Variants in RANBP2 observed in about 807,000 individuals in gnomAD.
RANBP2 encodes the protein E3 SUMO-protein ligase RanBP2.
Under a neutral mutation model 303.6 loss-of-function variants are expected in RANBP2, and 57 were observed. The observed-to-expected ratio is 0.19, with a 90% CI of 0.15 to 0.23. RANBP2 has a LOEUF of 0.23. Among genes scored for constraint, RANBP2 ranks in the 10% least tolerant of loss-of-function variants. The pLI is 1.00. For synonymous variants in RANBP2, 1,167 were observed against 1,301.5 expected (o/e 0.90, Z 2.23); for missense variants, 3,138 against 3,780.8 (o/e 0.83, Z 4.46).
chr2:109,445,114 A>G, the RANBP2 span, among the ~76,000 whole-genome samples: 1 of 152,226 alleles, frequency 6.6e-6, no homozygotes, highest in Non-Finnish European at 1.5e-5. Flanking sequence ...GAAATTGGAA[A>G]GCCATACAGA....
chr2:109,319,512 CAT>C, the RANBP2 span, among the ~76,000 whole-genome samples: 2 of 152,142 alleles, frequency 1.3e-5, no homozygotes, highest in African/African-American at 4.8e-5. Context: ...AAGAGAAACA[CAT>C]GTTAGTACAG....
At chr2:109,567,852 T>C in the RANBP2 span, 1 of 1,612,150 alleles carries the variant, frequency 6.2e-7, no homozygotes, top group Non-Finnish European at 8.5e-7. Flanking sequence ...AGTGTCATCA[T>C]CCGTTGGGAA....
chr2:109,577,507 G>A, the RANBP2 span, among the ~76,000 whole-genome samples: 1 of 151,712 alleles, frequency 6.6e-6, no homozygotes, highest in African/African-American at 2.4e-5. Flanking sequence ...CAGGAGAACT[G>A]CTGGAGTGCA....
At chr2:109,426,935 G>A in the RANBP2 span, among the ~76,000 whole-genome samples, 2 of 151,556 alleles carry the variant, frequency 1.3e-5, no homozygotes, top group African/African-American at 4.9e-5. Context: ...TGAAGGCTCA[G>A]ATGATCATTA....
chr2:109,127,132 G>T, the RANBP2 span, among the ~76,000 whole-genome samples: 2 of 152,194 alleles, frequency 1.3e-5, no homozygotes, highest in African/African-American at 4.8e-5. Context: ...CATACAGATG[G>T]AAATCCACAT....
At chr2:109,637,018 A>G in the RANBP2 span, among the ~76,000 whole-genome samples, 1 of 129,488 alleles carries the variant, frequency 7.7e-6, no homozygotes, top group Admixed American at 8.0e-5. Flanking sequence ...CTCTGTTTTT[A>G]TTGATTATTA....
the RANBP2 span, among the ~76,000 whole-genome samples, chr2:109,366,582 T>C: frequency 4.0e-4 from 61 of 152,304 alleles, no homozygotes; most frequent in African/African-American, 1.5e-3. Flanking sequence ...GGCATGGTGG[T>C]TCATGCCTGT....
the RANBP2 span, among the ~76,000 whole-genome samples, chr2:109,412,474 C>T: frequency 6.6e-6 from 1 of 152,232 alleles, no homozygotes; most frequent in Non-Finnish European, 1.5e-5. Context: ...GTAACAACAG[C>T]AGGACCAGTG....
At chr2:109,427,248 C>T in the RANBP2 span, among the ~76,000 whole-genome samples, 2 of 152,078 alleles carry the variant, frequency 1.3e-5, no homozygotes, top group Non-Finnish European at 2.9e-5. Context: ...GGATTACAGG[C>T]GTGAGTCACC....
the RANBP2 span, among the ~76,000 whole-genome samples, chr2:109,215,426 C>G: frequency 3.7e-5 from 5 of 135,376 alleles, no homozygotes; most frequent in East Asian, 9.8e-4. Context: ...TTGTAAAATA[C>G]TCAAGCTAGC....
At chr2:109,710,887 G>A in the RANBP2 span, among the ~76,000 whole-genome samples, 3 of 152,094 alleles carry the variant, frequency 2.0e-5, no homozygotes, top group Non-Finnish European at 4.4e-5. Flanking sequence ...AGCAAGATGT[G>A]TTCATAATAG....
At chr2:109,684,245 C>CTTTTTTTTTTTTTTTTTT in the RANBP2 span, among the ~76,000 whole-genome samples, 3 of 87,154 alleles carry the variant, frequency 3.4e-5, 1 homozygote, top group Non-Finnish European at 6.5e-5. Context: ...CCCGGTCTTA[C>CTTTTTTTTTTTTTTTTTT]TTTTTTTTTT....
chr2:108,777,011 T>C, intron 24 of RANBP2, 119 bp from the exon 25 acceptor site: 2 of 819,732 alleles, frequency 2.4e-6, no homozygotes, highest in African/African-American at 1.7e-5. Flanking sequence ...TGACAGAATT[T>C]AAATAACTCC....
intron 1 of RANBP2, chr2:108,720,254 G>A (rs1694126316): frequency 1.1e-6 from 1 of 903,444 alleles, no homozygotes; most frequent in Non-Finnish European, 1.3e-6. Flanking sequence ...AGTATGAGGT[G>A]TTTGTCGCTG....
At chr2:109,357,871 A>G in the RANBP2 span, among the ~76,000 whole-genome samples, 1 of 152,162 alleles carries the variant, frequency 6.6e-6, no homozygotes, top group East Asian at 1.9e-4. Flanking sequence ...TGTCAACATC[A>G]CTCACCAGAG....
the RANBP2 span, among the ~76,000 whole-genome samples, chr2:109,050,241 A>G: frequency 3.3e-5 from 5 of 152,008 alleles, no homozygotes; most frequent in Non-Finnish European, 5.9e-5. Context: ...CTTTGAATTA[A>G]TTTTACCTGT....
At chr2:109,395,965 G>GA in the RANBP2 span, among the ~76,000 whole-genome samples, 3 of 152,220 alleles carry the variant, frequency 2.0e-5, no homozygotes, top group African/African-American at 7.2e-5. Flanking sequence ...GGGGAGAAGG[G>GA]AATCATTTGA....
At chr2:109,143,283 C>A in the RANBP2 span, among the ~76,000 whole-genome samples, 1 of 152,086 alleles carries the variant, frequency 6.6e-6, no homozygotes, top group Non-Finnish European at 1.5e-5. Context: ...AAGTAAGTAT[C>A]GTGAAACTGA....
the RANBP2 span, among the ~76,000 whole-genome samples, chr2:108,961,369 G>A: frequency 7.2e-5 from 11 of 152,098 alleles, no homozygotes; most frequent in African/African-American, 2.7e-4. Context: ...ACTCACTCAA[G>A]GGCATCTGGC....
Sources: allele counts gnomAD v4.1 joint callset (sites outside exome capture counted in the v4.1 genomes callset), GRCh38; gene constraint gnomAD v4.1.1; transcripts MANE v1.5; gene names NCBI Gene and HGNC (gene_info 2026-07-23, HGNC 2026-07-21).